The following BBS4 variants were observed in gnomAD, a reference collection of about 807,000 sequenced individuals.
BBS4 encodes the protein BBSome complex member BBS4.
Under a neutral mutation model 71.4 loss-of-function variants are expected in BBS4, and 58 were observed. The ratio of observed to expected loss-of-function variants is 0.81; its 90% CI spans 0.66 to 1.01. The LOEUF (loss-of-function observed/expected upper bound fraction) is 1.01, where lower values mean the gene tolerates loss of function less well. BBS4 is among the 50% of genes least tolerant of loss of function. The pLI is 0.00. For synonymous variants in BBS4, 228 were observed against 216.8 expected, an observed-to-expected ratio of 1.05 and a Z score of -0.46; for missense variants, 660 against 607.9, an observed-to-expected ratio of 1.09 and a Z score of -0.90.
At chr15:72,736,264 C>T (rs1209898105) in intron 14 of BBS4, among the ~76,000 whole-genome samples, 14 of 118,416 alleles carry the variant, frequency 1.2e-4, no homozygotes, top group East Asian at 2.8e-4. Context: ...TTTTTTGAGA[C>T]GGAATCTCGC....
intron 3 of BBS4, among the ~76,000 whole-genome samples, chr15:72,711,098 G>T (rs1037455906): frequency 6.6e-6 from 1 of 151,456 alleles, no homozygotes; most frequent in African/African-American, 2.4e-5. Flanking sequence ...ACCGCACCCG[G>T]CCCATACCAG....
chr15:72,687,123 A>ATTTTTTTTTTTTTTTTTTTTT (rs1491389178), intron 1 of BBS4, among the ~76,000 whole-genome samples: 3 of 11,974 alleles, frequency 2.5e-4, no homozygotes, highest in African/African-American at 3.1e-4. Flanking sequence ...GAAGACAGAA[A>ATTTTTTTTTTTTTTTTTTTTT]CTTTTTTTTT....
intron 6 of BBS4, among the ~76,000 whole-genome samples, chr15:72,722,587 T>C (rs2065597151): frequency 6.6e-6 from 1 of 152,154 alleles, no homozygotes; most frequent in African/African-American, 2.4e-5. Flanking sequence ...TCTGCTTTTA[T>C]TTCTTATAAT....
chr15:72,703,741 G>T (rs574400097), intron 2 of BBS4, among the ~76,000 whole-genome samples: 1 of 152,100 alleles, frequency 6.6e-6, no homozygotes, highest in South Asian at 2.1e-4. Flanking sequence ...TCTTTGATGA[G>T]TATTTTTTTT....
chr15:72,704,979 T>G (rs1182134462), intron 2 of BBS4, among the ~76,000 whole-genome samples: 1 of 152,202 alleles, frequency 6.6e-6, no homozygotes, highest in African/African-American at 2.4e-5. Context: ...TACCAGGCAC[T>G]ATTTGAACCT....
chr15:72,735,735 GT>G, intron 13 of BBS4, 89 bp from the exon 14 acceptor site: 1 of 1,527,998 alleles, frequency 6.5e-7, no homozygotes. Flanking sequence ...TACTTAACCA[GT>G]TTTGTTTTGT....
At chr15:72,705,644 G>A (rs1012292907) in intron 2 of BBS4, among the ~76,000 whole-genome samples, 1 of 142,432 alleles carries the variant, frequency 7.0e-6, no homozygotes, top group Non-Finnish European at 1.5e-5. Context: ...CCAGGTTGGA[G>A]TGCAGTGCAC....
Position 72,737,710 on chromosome 15 carries a change from G to A in BBS4, c.*123G>A, listed in dbSNP as rs188274600. 29 of 832,868 alleles carry A rather than the reference G, an allele frequency of 3.5e-5. No individual in the cohort carries two copies. Among genetic ancestry groups the A allele is most frequent in the East Asian group, 2.2e-4 (8 of 36,006 alleles). 51.6% of individuals were successfully genotyped at this position (832,868 alleles called of 1,614,324 possible). ...CACAGAATACAGTGTGTGTTATTACGAGGAGCCAGCAGTTGAGCCTAAGGT... is the reference window on the plus strand; with the variant it reads ...CACAGAATACAGTGTGTGTTATTACAAGGAGCCAGCAGTTGAGCCTAAGGT... On this transcript the variant is annotated 3_prime_UTR_variant, in exon 16 of 16. Coordinates refer to ENST00000268057, the MANE Select transcript of BBS4 (RefSeq NM_033028.5).
At chr15:72,694,134 C>G (rs1443231066) in intron 1 of BBS4, among the ~76,000 whole-genome samples, 1 of 151,714 alleles carries the variant, frequency 6.6e-6, no homozygotes, top group Non-Finnish European at 1.5e-5. Context: ...ATCCACCTGC[C>G]TTGGCCTCCC....
At chr15:72,712,153 C>T (rs977240134) in intron 3 of BBS4, 91 bp from the exon 4 acceptor site, 3 of 1,170,654 alleles carry the variant, frequency 2.6e-6, no homozygotes, top group African/African-American at 3.0e-5. Context: ...AAGCATGAGC[C>T]ACCGCACCTG....
At chr15:72,717,102 C>T in intron 6 of BBS4, 1 of 490,320 alleles carries the variant, frequency 2.0e-6, no homozygotes. Flanking sequence ...TTGATGACCC[C>T]TAGAAGCTTT....
At position 72,715,303 on chromosome 15, in the gene BBS4, G is replaced by A. The variant is rs200396355; in HGVS notation, c.233G>A (p.Arg78His). 1.4e-5 allele frequency: 23 copies of A among 1,609,368 alleles called. No homozygotes were observed. The East Asian group carries it at 2.0e-4, about 14-fold the overall frequency. Residue 78 changes from arginine to histidine, a missense_variant, in exon 5 of 16, where the codon CGC (arginine) becomes CAC (histidine). Transcript: ENST00000268057. ...YAIYVQALIF[R>H]LEGNIQESLE... Reference sequence around the variant, plus strand: ...TGTTTCTTGGCAGCATTGATATTTCGCCTAGAAGGAAATATCCAAGAATCC... The same window carrying A: ...TGTTTCTTGGCAGCATTGATATTTCACCTAGAAGGAAATATCCAAGAATCC...
rs527248087 is a variant in BBS4 at position 72,694,500 on chromosome 15, T to C, written c.25-677T>C. On this transcript the variant is annotated intron_variant, in intron 1 of 15. Transcript: ENST00000268057. ...TAATCTGGTGATATGTTTTCTTGTT[T>C]GGCTGCTTTTAAGAGCTGCTTCTTG... Among the ~76,000 whole-genome samples, 10 of 152,344 alleles carry C rather than the reference T, an allele frequency of 6.6e-5. No individual in the cohort carries two copies. The South Asian group carries it at 2.1e-3, about 32-fold the overall frequency.
chr15:72,737,533 G>T lies in BBS4; in HGVS notation c.1506G>T (p.Glu502Asp), dbSNP rs1214707384. 6 of 1,613,120 alleles carry T rather than the reference G, an allele frequency of 3.7e-6. No homozygotes were observed. The highest frequency in any genetic ancestry group is 5.1e-6 in the Non-Finnish European group (6 of 1,179,628). ...CCCCATCTCTTCCTCTGGAGCCAGA[G>T]CCTGCGGTGGAATCAAGTCCAACTG... is the stretch of plus-strand genomic sequence containing the variant. ...TKPPSLPLEP[E>D]PAVESSPTET... is the part of the protein sequence containing the mutation. Residue 502 changes from glutamate (E) to aspartate (D), a missense_variant, in exon 16 of 16, where the codon GAG becomes GAT. Glu to Asp is a conservative substitution (Grantham distance 45). Transcript: ENST00000268057.
At chr15:72,695,084 T>G in intron 1 of BBS4, 93 bp from the exon 2 acceptor site, 33 of 842,860 alleles carry the variant, frequency 3.9e-5, no homozygotes, top group Non-Finnish European at 6.0e-5. Context: ...GCATAATTGG[T>G]GAGCTACTGA....
intron 3 of BBS4, among the ~76,000 whole-genome samples, chr15:72,712,014 C>T (rs1323043134): frequency 1.3e-5 from 2 of 152,110 alleles, no homozygotes; most frequent in Non-Finnish European, 1.5e-5. Context: ...ATTACAGACA[C>T]GCACCACTAC....
At chr15:72,695,297 T>G (rs1003127764) in intron 2 of BBS4, 69 bp downstream of exon 2, 82 of 1,105,282 alleles carry the variant, frequency 7.4e-5, no homozygotes, top group Non-Finnish European at 1.0e-4. Flanking sequence ...ATTTATTTAT[T>G]TTTTTTTTTG....
intron 10 of BBS4, among the ~76,000 whole-genome samples, chr15:72,730,174 G>A (rs1396882698): frequency 6.6e-6 from 1 of 151,976 alleles, no homozygotes; most frequent in Non-Finnish European, 1.5e-5. Flanking sequence ...CTCCTCGGGA[G>A]GCTGAGGCAG....
At chr15:72,712,395 C>A in intron 4 of BBS4, 88 bp downstream of exon 4, 2 of 1,235,740 alleles carry the variant, frequency 1.6e-6, no homozygotes, top group South Asian at 2.5e-5. Flanking sequence ...GAAACAAGTT[C>A]AAGTACAGTC....
Sources: gnomAD v4.1 joint callset for allele counts (sites outside exome capture counted in the v4.1 genomes callset) on GRCh38, gnomAD v4.1.1 for gene constraint, MANE v1.5 for transcripts, NCBI Gene and HGNC (gene_info 2026-07-23, HGNC 2026-07-21) for gene names.